Variants in CDK16 observed in about 807,000 individuals in gnomAD.
The protein encoded by CDK16 is cyclin dependent kinase 16.
CDK16 carries 2 observed loss-of-function variants against 41.6 expected under a neutral mutation model. That is an observed-to-expected ratio of 0.05 (90% CI 0.02 to 0.15). CDK16 has a LOEUF of 0.15. Ranked by LOEUF, CDK16 falls within the 10% of genes least tolerant of loss-of-function variation. The pLI is 1.00. For synonymous variants in CDK16, 169 were observed against 169.7 expected (o/e 1.00, Z 0.03); for missense variants, 228 against 428.9 (o/e 0.53, Z 4.14).
rs374824262 is a variant in CDK16, at chrX:47,227,363, C to A, written c.1285-16C>A. 1.7e-6 allele frequency: 2 copies of A among 1,189,424 alleles called. No individual in the cohort carries two copies. Among genetic ancestry groups the A allele is most frequent in the Non-Finnish European group, 2.3e-6 (2 of 876,970 alleles). On this transcript the variant is annotated splice_polypyrimidine_tract_variant and intron_variant, in intron 13 of 15. Coordinates refer to ENST00000357227, the MANE Select transcript of CDK16 (RefSeq NM_006201.5). Reference sequence around the variant, plus strand: ...GAAGATATCAATACTATCCCCCTCCCCGCACCCCCACTCAGTTTGAGGGTC... The same window carrying A: ...GAAGATATCAATACTATCCCCCTCCACGCACCCCCACTCAGTTTGAGGGTC...
Position 47,225,745 on chromosome X carries a change from CCT to C in CDK16, c.635-26_635-25del, listed in dbSNP as rs757768381. ...CTGAGGGTAGGACCCTGACTCTTCC[CCT>C]GTCCCACTCCCATGCTTCCTGCAGT... is the stretch of plus-strand genomic sequence containing the variant. On this transcript the variant is annotated intron_variant, in intron 6 of 15. Transcript: ENST00000357227. 1.2e-5 allele frequency: 14 copies of C among 1,121,626 alleles called. No individual in the cohort carries two copies. The East Asian group carries it at 1.5e-4, about 12-fold the overall frequency. The allele number at this position is 1,121,626 out of a possible 1,213,427, so 92.4% of individuals were successfully genotyped here. A position where few individuals can be genotyped will look rare whatever the true frequency, so the allele number is the denominator to read the frequency against.
rs780478906 is a variant in CDK16 at position 47,224,981 on chromosome X, A to G, written c.520-7A>G. On this transcript the variant is annotated splice_region_variant and splice_polypyrimidine_tract_variant and intron_variant, in intron 5 of 15. Transcript: ENST00000357227. Reference sequence around the variant, plus strand: ...CACCTCTCCTGTCACACTTCCTCACATTCCAGGGTACCTATGCCACCGTCT... The same window carrying G: ...CACCTCTCCTGTCACACTTCCTCACGTTCCAGGGTACCTATGCCACCGTCT... 8.3e-6 allele frequency: 10 copies of G among 1,202,277 alleles called. No individual in the cohort carries two copies. The African/African-American group carries it at 1.4e-4, about 17-fold the overall frequency.
rs991139333 is a variant in CDK16 at position 47,226,990 on chromosome X, C to G, written c.1136-4C>G. 3.3e-6 allele frequency: 4 copies of G among 1,210,178 alleles called. No individual in the cohort carries two copies. The highest frequency in any genetic ancestry group is 4.5e-6 in the Non-Finnish European group (4 of 894,018). ...TGTTTGGGATAACTCCTCTTCCCTACTAGGAACCCCAACTGAGGAGACGTG... is the reference window on the plus strand; with the variant it reads ...TGTTTGGGATAACTCCTCTTCCCTAGTAGGAACCCCAACTGAGGAGACGTG... On this transcript the variant is annotated splice_polypyrimidine_tract_variant and splice_region_variant and intron_variant, in intron 11 of 15. Transcript: ENST00000357227.
chrX:47,225,126 C>T, intron 6 of CDK16, 24 bp downstream of exon 6: 4 of 1,049,486 alleles, frequency 3.8e-6, no homozygotes, highest in Non-Finnish European at 5.3e-6. Context: ...TCCCATCTGC[C>T]CCAGGCTTCC....
At chrX:47,218,393 T>C, upstream of CDK16, 1 of 389,316 alleles carries the variant, frequency 2.6e-6, no homozygotes. Context: ...TTCATTTGTC[T>C]TTTTTCCTCC....
chrX:47,226,096 C>G, intron 8 of CDK16, 69 bp downstream of exon 8: 1 of 1,134,706 alleles, frequency 8.8e-7, no homozygotes, highest in Non-Finnish European at 1.2e-6. Context: ...ACAAATCTCC[C>G]AGAAACGGAC....
chrX:47,227,539 G>C, intron 14 of CDK16, 70 bp downstream of exon 14: 2 of 788,830 alleles, frequency 2.5e-6, no homozygotes, highest in Non-Finnish European at 3.8e-6. Context: ...GCCAGCTGGC[G>C]GGTTGTGTAG....
rs1336407702 is a variant in CDK16 at position 47,226,801 on chromosome X, T to TC, written c.1038-8dup. The TC allele has an allele frequency of 7.5e-6, 9 of 1,198,711 alleles. No homozygotes were observed. In the Admixed American group the frequency reaches 1.1e-4, roughly 15 times the overall value. ...AGCTGCCTTTCTATTCACTGTGCCCTCCCTGCCCAGGGGTGTGGGCTGCAT... is the reference window on the plus strand; with the variant it reads ...AGCTGCCTTTCTATTCACTGTGCCCTCCCCTGCCCAGGGGTGTGGGCTGCAT... On this transcript the variant is annotated splice_polypyrimidine_tract_variant and intron_variant, in intron 10 of 15. Coordinates refer to ENST00000357227, the MANE Select transcript of CDK16 (RefSeq NM_006201.5).
At chrX:47,224,562 T>A (rs2147329058) in intron 3 of CDK16, 44 bp downstream of exon 3, 1 of 1,207,609 alleles carries the variant, frequency 8.3e-7, no homozygotes, top group East Asian at 3.0e-5. Flanking sequence ...GAAAAGGGGG[T>A]TGGACCTGGG....
At position 47,226,039 on chromosome X, in the gene CDK16, G is replaced by T; in HGVS notation, c.792+12G>T. On this transcript the variant is annotated intron_variant, in intron 8 of 15. Transcript: ENST00000357227. ...TGCACAACGTGAAAGTGGGTGTGGGGCAGGAAGCAGGGGCACAAGGGGGCC... is the reference window on the plus strand; with the variant it reads ...TGCACAACGTGAAAGTGGGTGTGGGTCAGGAAGCAGGGGCACAAGGGGGCC... 8.4e-7 allele frequency: 1 copy of T among 1,189,252 alleles called. No homozygotes were observed. The highest frequency in any genetic ancestry group is 1.1e-6 in the Non-Finnish European group (1 of 882,868).
In CDK16 at chrX:47,227,429, C is replaced by G; in HGVS notation, c.1335C>G (p.Phe445Leu). 8.3e-7 allele frequency: 1 copy of G among 1,210,087 alleles called. No individual in the cohort carries two copies. The highest frequency in any genetic ancestry group is 1.1e-6 in the Non-Finnish European group (1 of 894,227). ...CAGAGGATGCCATGAAACATCCATT[C>G]TTCCTCAGTCTGGGGGAGCGGATCC... ...ISAEDAMKHP[F>L]FLSLGERIHK... is the part of the protein sequence containing the mutation. Residue 445 changes from phenylalanine (F) to leucine (L), a missense_variant, in exon 14 of 16, where the codon TTC becomes TTG. Coordinates refer to ENST00000357227, the MANE Select transcript of CDK16 (RefSeq NM_006201.5).
At chrX:47,223,059 G>A in intron 1 of CDK16, 1 of 1,147,446 alleles carries the variant, frequency 8.7e-7, no homozygotes, top group Non-Finnish European at 1.2e-6. Context: ...ACAGGGAATA[G>A]TCTGCCTTGG....
In CDK16 at chrX:47,224,848, T is replaced by C; in HGVS notation, c.477T>C (p.Phe159=). 3.3e-6 allele frequency: 4 copies of C among 1,211,573 alleles called. No homozygotes were observed. The highest frequency in any genetic ancestry group is 4.5e-6 in the Non-Finnish European group (4 of 895,495). Residue 159 remains phenylalanine (F), a synonymous_variant, in exon 5 of 16, where the codon TTT becomes TTC. Coordinates refer to ENST00000357227, the MANE Select transcript of CDK16 (RefSeq NM_006201.5). ...LRRVSLSEIG[F]GKLETYIKLD... Reference sequence around the variant, plus strand: ...TTGTCCCACAGTCTGAGATTGGCTTTGGGAAACTGGAGACCTACATTAAGC... The same window carrying C: ...TTGTCCCACAGTCTGAGATTGGCTTCGGGAAACTGGAGACCTACATTAAGC...
intron 1 of CDK16, among the ~76,000 whole-genome samples, chrX:47,221,804 C>A (rs1338881563): frequency 8.9e-6 from 1 of 112,001 alleles, no homozygotes; most frequent in African/African-American, 3.3e-5. Context: ...GGCCCCTACC[C>A]CTCCTGGGGA....
At chrX:47,223,168 A>G in intron 1 of CDK16, 2 of 1,156,789 alleles carry the variant, frequency 1.7e-6, no homozygotes, top group Non-Finnish European at 2.3e-6. Context: ...TGGCCGACCC[A>G]TGGCTGGGCC....
chrX:47,226,194 CTG>C (rs748928502), intron 8 of CDK16, 83 bp from the exon 9 acceptor site: 260 of 1,169,390 alleles, frequency 2.2e-4, no homozygotes, highest in Non-Finnish European at 2.9e-4. Context: ...GGCCTAGTGT[CTG>C]TGTTTGGGAG....
At chrX:47,227,341 G>T (rs751179538) in intron 13 of CDK16, 38 bp from the exon 14 acceptor site, 1 of 1,135,892 alleles carries the variant, frequency 8.8e-7, no homozygotes, top group Non-Finnish European at 1.2e-6. Context: ...ACTTGTTGAA[G>T]ATATCAATAC....
rs2055296500 is a variant in CDK16 at position 47,229,224 on chromosome X, T to C, written c.*456T>C. ...TGCTTTCCTGCCTGCCCCACCTGCC[T>C]CATATTGTGTGGGCCTTTTTTTGTT... On this transcript the variant is annotated 3_prime_UTR_variant, in exon 16 of 16. Coordinates refer to ENST00000357227, the MANE Select transcript of CDK16 (RefSeq NM_006201.5). 4.1e-6 allele frequency: 1 copy of C among 246,180 alleles called. No homozygotes were observed. The highest frequency in any genetic ancestry group is 6.4e-5 in the Admixed American group (1 of 15,747). The allele number at this position is 246,180 out of a possible 1,213,427, so 20.3% of individuals were successfully genotyped here. A position where few individuals can be genotyped will look rare whatever the true frequency, so the allele number is the denominator to read the frequency against.
rs759104890 is a variant in CDK16 at position 47,228,850 on chromosome X, G to C, written c.*82G>C. The C allele has an allele frequency of 3.1e-6, 3 of 980,578 alleles. No individual in the cohort carries two copies. Among genetic ancestry groups the C allele is most frequent in the African/African-American group, 3.8e-5 (2 of 52,402 alleles). The allele number at this position is 980,578 out of a possible 1,213,427, so 80.8% of individuals were successfully genotyped here. A position where few individuals can be genotyped will look rare whatever the true frequency, so the allele number is the denominator to read the frequency against. On this transcript the variant is annotated 3_prime_UTR_variant, in exon 16 of 16. Coordinates refer to ENST00000357227, the MANE Select transcript of CDK16 (RefSeq NM_006201.5). The stretch of plus-strand genomic sequence containing the variant: ...GGCAGCCCCCAACTACATCTTCCCT[G>C]CTTACTCTCTGCCTACCTGCCTGAG...
Sources: allele counts gnomAD v4.1 joint callset (sites outside exome capture counted in the v4.1 genomes callset), GRCh38; gene constraint gnomAD v4.1.1; transcripts MANE v1.5; gene names NCBI Gene and HGNC (gene_info 2026-07-23, HGNC 2026-07-21).